The following OPCML variants were observed in gnomAD, a reference collection of about 807,000 sequenced individuals.
OPCML encodes opioid-binding protein/cell adhesion molecule.
Under a neutral mutation model 37.8 loss-of-function variants are expected in OPCML, and 13 were observed. That is an observed-to-expected ratio of 0.34 (90% CI 0.22 to 0.55). The LOEUF is 0.55. Among genes scored for constraint, OPCML ranks in the 20% least tolerant of loss-of-function variants. The pLI is 0.91. For missense variants in OPCML, 341 were observed against 435.6 expected (o/e 0.78, Z 1.93); for synonymous variants, 176 against 168.8 (o/e 1.04, Z -0.33).
chr11:133,430,904 G>A (rs528492336), intron 1 of OPCML, among the ~76,000 whole-genome samples: 2 of 152,322 alleles, frequency 1.3e-5, no homozygotes, highest in African/African-American at 4.8e-5. Flanking sequence ...TTGAGTGTGT[G>A]ATCACAGTGT....
chr11:132,425,710 AC>A (rs2136675289), intron 7 of OPCML, among the ~76,000 whole-genome samples: 1 of 152,342 alleles, frequency 6.6e-6, no homozygotes, highest in East Asian at 1.9e-4. Flanking sequence ...ACTCTCCAAC[AC>A]CAGCTGAAAG....
chr11:133,319,584 G>A (rs530095568), intron 1 of OPCML, among the ~76,000 whole-genome samples: 37 of 152,194 alleles, frequency 2.4e-4, no homozygotes, highest in Admixed American at 1.7e-3. Flanking sequence ...TAATCACCTA[G>A]GCAAAACATA....
intron 2 of OPCML, among the ~76,000 whole-genome samples, chr11:132,871,646 A>G (rs1942798214): frequency 6.6e-6 from 1 of 152,190 alleles, no homozygotes; most frequent in Admixed American, 6.5e-5. Flanking sequence ...GTCTCCCTCC[A>G]TGGGATGAAG....
At chr11:133,245,009 G>A (rs1270225378) in intron 1 of OPCML, among the ~76,000 whole-genome samples, 2 of 152,218 alleles carry the variant, frequency 1.3e-5, no homozygotes, top group African/African-American at 4.8e-5. Context: ...TGTGGAGGCA[G>A]TCCATGAGGA....
At chr11:133,156,370 C>T (rs972634659) in intron 1 of OPCML, among the ~76,000 whole-genome samples, 2 of 152,226 alleles carry the variant, frequency 1.3e-5, no homozygotes, top group East Asian at 3.9e-4. Flanking sequence ...CTTCCTCAGC[C>T]TAGGTGACTC....
At chr11:132,463,068 A>G (rs1045401885) in intron 4 of OPCML, among the ~76,000 whole-genome samples, 2 of 152,226 alleles carry the variant, frequency 1.3e-5, no homozygotes, top group Non-Finnish European at 2.9e-5. Flanking sequence ...CCAATAGTGA[A>G]GCCAGAACTT....
chr11:132,890,247 A>C (rs2136457877), intron 2 of OPCML, among the ~76,000 whole-genome samples: 1 of 152,296 alleles, frequency 6.6e-6, no homozygotes, highest in South Asian at 2.1e-4. Flanking sequence ...GAAGTCCTAT[A>C]ATGCTAGAAC....
At chr11:133,350,304 G>A (rs756732881) in intron 1 of OPCML, among the ~76,000 whole-genome samples, 15 of 152,172 alleles carry the variant, frequency 9.9e-5, no homozygotes, top group Non-Finnish European at 1.9e-4. Flanking sequence ...CAGGTCTATA[G>A]TTTAGGGTAA....
chr11:132,529,270 G>A, intron 3 of OPCML, 84 bp from the exon 4 acceptor site: 1 of 1,472,802 alleles, frequency 6.8e-7, no homozygotes, highest in Non-Finnish European at 9.1e-7. Flanking sequence ...TTTTTGTATA[G>A]CATGTTTTTA....
At chr11:133,091,096 A>C (rs116590682) in intron 1 of OPCML, among the ~76,000 whole-genome samples, 1,612 of 152,268 alleles carry the variant, frequency 0.011, 34 homozygotes, top group African/African-American at 0.037. Context: ...TTCTGCTGCA[A>C]TGTTCCTTGG....
At chr11:132,879,652 A>ATT (rs754591651) in intron 2 of OPCML, among the ~76,000 whole-genome samples, 29 of 152,220 alleles carry the variant, frequency 1.9e-4, no homozygotes, top group Non-Finnish European at 4.1e-4. Flanking sequence ...CTGCACAGCT[A>ATT]TTAAAACTCT....
intron 2 of OPCML, among the ~76,000 whole-genome samples, chr11:132,707,948 G>A (rs1216197798): frequency 6.6e-6 from 1 of 152,106 alleles, no homozygotes; most frequent in Non-Finnish European, 1.5e-5. Context: ...AAAAGAGTGT[G>A]TCACATAAAA....
chr11:133,057,302 T>C (rs979625111), intron 1 of OPCML, among the ~76,000 whole-genome samples: 2 of 152,232 alleles, frequency 1.3e-5, no homozygotes, highest in African/African-American at 2.4e-5. Flanking sequence ...ATGTAGATCA[T>C]AGATTGGCAT....
chr11:132,657,275 C>T lies in OPCML; in HGVS notation c.191G>A (p.Arg64His), dbSNP rs762120321. 12 of 1,614,038 alleles carry T rather than the reference C, an allele frequency of 7.4e-6. No homozygotes were observed. The highest frequency in any genetic ancestry group is 1.6e-4 in the Middle Eastern group (1 of 6,084). ...DRVTRVAWLN[R>H]STILYAGNDK... Reference sequence around the variant, plus strand: ...ATTCCCAGCGTAGAGGATGGTGCTGCGGTTTAGCCAGGCCACCCGGGTTAC... The same window carrying T: ...ATTCCCAGCGTAGAGGATGGTGCTGTGGTTTAGCCAGGCCACCCGGGTTAC... Residue 64 changes from arginine to histidine, a missense_variant, in exon 3 of 8, where the codon CGC (arginine) becomes CAC (histidine). By Grantham distance (29) the Arg-to-His change is conservative. Coordinates refer to ENST00000524381, the MANE Select transcript of OPCML (RefSeq NM_001012393.5).
In OPCML at chr11:133,109,714, C is replaced by A. The variant is rs912413421; in HGVS notation, c.62-166704G>T. 2.6e-5 allele frequency among the ~76,000 whole-genome samples: 4 copies of A among 152,162 alleles called. No individual in the cohort carries two copies. The East Asian group carries it at 5.8e-4, about 22-fold the overall frequency. On this transcript the variant is annotated intron_variant, in intron 1 of 7. Coordinates refer to ENST00000524381, the MANE Select transcript of OPCML (RefSeq NM_001012393.5). ...TTGGGTAGTCTACCTGGTGACCTGA[C>A]CTCTTTGGCATTGCCTCAGGACTTA...
At chr11:133,515,306 T>A (rs542562394) in intron 1 of OPCML, among the ~76,000 whole-genome samples, 2 of 152,180 alleles carry the variant, frequency 1.3e-5, no homozygotes, top group Non-Finnish European at 1.5e-5. Flanking sequence ...GAGCAGTGGT[T>A]CTCAACCAGA....
chr11:133,520,898 A>G (rs1344390504), intron 1 of OPCML, among the ~76,000 whole-genome samples: 1 of 152,158 alleles, frequency 6.6e-6, no homozygotes, highest in African/African-American at 2.4e-5. Flanking sequence ...TCTCCATGGG[A>G]AAAAAGAGGC....
chr11:133,263,083 G>C (rs58889562), intron 1 of OPCML, among the ~76,000 whole-genome samples: 8,126 of 151,950 alleles, frequency 0.053, 234 homozygotes, highest in Middle Eastern at 0.078. Context: ...AGTGGGTATG[G>C]TTGGACTGTG....
chr11:132,942,799 G>A, intron 2 of OPCML, 127 bp downstream of exon 2: 4 of 1,208,462 alleles, frequency 3.3e-6, no homozygotes, highest in Non-Finnish European at 4.7e-6. Flanking sequence ...GCAAGCGGGC[G>A]CCCCTCGGGC....
Sources: gnomAD v4.1 joint callset for allele counts (sites outside exome capture counted in the v4.1 genomes callset) on GRCh38, gnomAD v4.1.1 for gene constraint, MANE v1.5 for transcripts, NCBI Gene and HGNC (gene_info 2026-07-23, HGNC 2026-07-21) for gene names.